The following PACRG variants were observed in gnomAD, a reference collection of about 807,000 sequenced individuals.
PACRG encodes parkin coregulated gene protein.
Under a neutral mutation model 29.7 loss-of-function variants are expected in PACRG, and 29 were observed. The ratio of observed to expected loss-of-function variants is 0.98; its 90% CI spans 0.73 to 1.33. The LOEUF (loss-of-function observed/expected upper bound fraction) is 1.33. PACRG is among the 40% of genes most tolerant of loss of function. PACRG has a pLI of 0.00. For missense variants in PACRG, 279 were observed against 316.2 expected (o/e 0.88, Z 0.89); for synonymous variants, 116 against 118.7 (o/e 0.98, Z 0.15).
At chr6:163,191,419 A>G (rs1319376025) in intron 4 of PACRG, among the ~76,000 whole-genome samples, 2 of 151,746 alleles carry the variant, frequency 1.3e-5, no homozygotes, top group African/African-American at 4.8e-5. Flanking sequence ...TGGCCCCCCA[A>G]CGCCACGAGG....
At chr6:163,028,444 A>T (rs73783978) in intron 2 of PACRG, among the ~76,000 whole-genome samples, 23,210 of 152,004 alleles carry the variant, frequency 0.15, 1,918 homozygotes, top group East Asian at 0.26. Flanking sequence ...AACACAATCA[A>T]CCTTTAAGAT....
At chr6:162,773,224 AAG>A (rs1368620930) in intron 1 of PACRG, among the ~76,000 whole-genome samples, 3 of 152,172 alleles carry the variant, frequency 2.0e-5, no homozygotes, top group Non-Finnish European at 2.9e-5. Context: ...TTTATTAAGA[AAG>A]AGGGGAGAAT....
chr6:163,275,246 G>A (rs1445852925), intron 4 of PACRG, among the ~76,000 whole-genome samples: 1 of 152,164 alleles, frequency 6.6e-6, no homozygotes, highest in African/African-American at 2.4e-5. Flanking sequence ...AAATGAGACA[G>A]CAGCAAATGA....
chr6:163,124,334 A>C (rs549180688), intron 4 of PACRG, among the ~76,000 whole-genome samples: 140 of 152,282 alleles, frequency 9.2e-4, no homozygotes, highest in Non-Finnish European at 1.7e-3. Flanking sequence ...ACTTCAGAAC[A>C]ATTTGACCAG....
At chr6:162,845,391 CT>C (rs930253719) in intron 2 of PACRG, among the ~76,000 whole-genome samples, 252 of 137,712 alleles carry the variant, frequency 1.8e-3, no homozygotes, top group Middle Eastern at 3.8e-3. Context: ...ATTTTTTTTT[CT>C]TTTTTTTTTT....
intron 2 of PACRG, among the ~76,000 whole-genome samples, chr6:162,979,474 C>G (rs1056932354): frequency 1.3e-5 from 2 of 152,154 alleles, no homozygotes; most frequent in Admixed American, 6.6e-5. Context: ...TGTAGGTTGT[C>G]TCTTCACTTT....
At chr6:163,177,710 A>ATATTTTTTTTTTTTTT (rs1779440928) in intron 4 of PACRG, among the ~76,000 whole-genome samples, 1 of 53,744 alleles carries the variant, frequency 1.9e-5, no homozygotes. Flanking sequence ...TAGAAAAGGG[A>ATATTTTTTTTTTTTTT]TTTTTTTTTT....
intron 4 of PACRG, among the ~76,000 whole-genome samples, chr6:163,199,424 C>T (rs778536744): frequency 6.6e-6 from 1 of 152,144 alleles, no homozygotes; most frequent in South Asian, 2.1e-4. Context: ...TGCTTTGTGT[C>T]TATTCATTCC....
chr6:163,176,545 A>C (rs1181859134), intron 4 of PACRG, among the ~76,000 whole-genome samples: 1 of 152,154 alleles, frequency 6.6e-6, no homozygotes, highest in Non-Finnish European at 1.5e-5. Flanking sequence ...GCTGGAAAAG[A>C]AAGAAAGGGG....
chr6:163,122,419 C>T (rs78474952), intron 4 of PACRG, among the ~76,000 whole-genome samples: 2,610 of 152,232 alleles, frequency 0.017, 68 homozygotes, highest in African/African-American at 0.06. Flanking sequence ...TGGAGCCTAC[C>T]GGGCGGTGTT....
chr6:162,978,346 A>G (rs1226206367), intron 2 of PACRG, among the ~76,000 whole-genome samples: 1 of 152,152 alleles, frequency 6.6e-6, no homozygotes. Context: ...TACAAGAAAA[A>G]ACACAATGTG....
intron 3 of PACRG, among the ~76,000 whole-genome samples, chr6:163,069,317 C>A (rs540031879): frequency 3.4e-5 from 5 of 148,644 alleles, no homozygotes; most frequent in Admixed American, 2.7e-4. Flanking sequence ...AGTTAGTTAC[C>A]AGGTACCAAT....
At position 163,009,406 on chromosome 6, in the gene PACRG, A is replaced by G. The variant is rs79270078; in HGVS notation, c.292-52744A>G. On this transcript the variant is annotated intron_variant, in intron 2 of 4. Coordinates refer to ENST00000366888, the MANE Select transcript of PACRG (RefSeq NM_001080379.2). The stretch of plus-strand genomic sequence containing the variant: ...AAAGAGAGCTCAGAATTGAAAATGT[A>G]AAACTTCCCATCACTTCAATTTATC... Among the ~76,000 whole-genome samples, 899 of 152,348 alleles carry G rather than the reference A, an allele frequency of 5.9e-3. 11 individuals carry two copies. The highest frequency in any genetic ancestry group is 0.021 in the African/African-American group (867 of 41,590).
intron 4 of PACRG, among the ~76,000 whole-genome samples, chr6:163,216,507 C>G (rs80033539): frequency 5.3e-5 from 8 of 152,308 alleles, no homozygotes; most frequent in Non-Finnish European, 1.0e-4. Flanking sequence ...TGCTTGAAAA[C>G]TATAATTAAT....
chr6:163,121,594 C>A (rs1816272726), intron 4 of PACRG, among the ~76,000 whole-genome samples: 1 of 151,890 alleles, frequency 6.6e-6, no homozygotes, highest in Non-Finnish European at 1.5e-5. Context: ...TAAAACAGAC[C>A]CATCAGAAGC....
intron 1 of PACRG, among the ~76,000 whole-genome samples, chr6:162,802,538 C>T (rs564578786): frequency 2.5e-3 from 382 of 152,270 alleles, no homozygotes; most frequent in Non-Finnish European, 4.4e-3. Flanking sequence ...ATTTACCTCT[C>T]TTTTCCTATT....
chr6:162,814,349 A>T, intron 2 of PACRG, 68 bp downstream of exon 2: 1 of 1,555,132 alleles, frequency 6.4e-7, no homozygotes, highest in Non-Finnish European at 8.8e-7. Flanking sequence ...TGCCAAACAC[A>T]CTTGGCTGCT....
intron 4 of PACRG, among the ~76,000 whole-genome samples, chr6:163,240,610 G>A (rs1003877012): frequency 3.3e-5 from 5 of 152,002 alleles, no homozygotes; most frequent in Admixed American, 2.6e-4. Context: ...TTTGGGCTGC[G>A]TTCTCACTTT....
chr6:162,954,543 T>C (rs938878486), intron 2 of PACRG, among the ~76,000 whole-genome samples: 4 of 152,162 alleles, frequency 2.6e-5, no homozygotes, highest in Admixed American at 2.6e-4. Flanking sequence ...AAAATATTAT[T>C]ATCATTGTAT....
Sources: gnomAD v4.1 joint callset for allele counts (sites outside exome capture counted in the v4.1 genomes callset) on GRCh38, gnomAD v4.1.1 for gene constraint, MANE v1.5 for transcripts, NCBI Gene and HGNC (gene_info 2026-07-23, HGNC 2026-07-21) for gene names.